Variants in XYLT1 observed in about 807,000 individuals in gnomAD.
XYLT1 encodes xylosyltransferase 1.
XYLT1 carries 36 observed loss-of-function variants against 91.3 expected under a neutral mutation model. The ratio of observed to expected loss-of-function variants is 0.39; its 90% CI spans 0.30 to 0.52. XYLT1 has a LOEUF of 0.52. XYLT1 is among the 20% of genes least tolerant of loss of function. The pLI is 0.68. For synonymous variants in XYLT1, 588 were observed against 532.0 expected (o/e 1.11, Z -1.45); for missense variants, 1,242 against 1,284.5 (o/e 0.97, Z 0.51).
Position 17,134,543 on chromosome 16 carries a change from G to A in XYLT1, c.1957C>T (p.His653Tyr). The A allele has an allele frequency of 6.2e-7, 1 of 1,614,160 alleles. No individual in the cohort carries two copies. Among genetic ancestry groups the A allele is most frequent in the Admixed American group, 1.7e-5 (1 of 60,018 alleles). ...CGAAGACCCAGGCGGGCAAAGGAGT[G>A]GTACAAGGTGAGTGTCACGTCGCTC... Reference protein sequence around the residue: ...SLSDVTLTLYHSFARLGLRRA... With the variant: ...SLSDVTLTLYYSFARLGLRRA... The change falls in exon 9 of 12, where the codon CAC becomes TAC. Residue 653 changes from histidine (H) to tyrosine (Y), a missense_variant. This residue lies in a region of XYLT1 where 511 missense variants were observed against 497.0 expected (regional missense o/e 1.03). Transcript: ENST00000261381.
At chr16:17,406,886 T>C (rs1422498387) in intron 1 of XYLT1, among the ~76,000 whole-genome samples, 3 of 152,224 alleles carry the variant, frequency 2.0e-5, no homozygotes, top group Admixed American at 6.5e-5. Flanking sequence ...TTGGGTGTGG[T>C]ATGCAACAGA....
At chr16:17,225,011 G>A (rs948116813) in intron 3 of XYLT1, among the ~76,000 whole-genome samples, 8 of 152,092 alleles carry the variant, frequency 5.3e-5, no homozygotes, top group Middle Eastern at 3.2e-3. Flanking sequence ...TGGTGGGCCG[G>A]ATTTGGCTTG....
chr16:17,201,475 C>CTTT (rs552724633), intron 3 of XYLT1, among the ~76,000 whole-genome samples: 1 of 140,680 alleles, frequency 7.1e-6, no homozygotes, highest in African/African-American at 2.6e-5. Context: ...GAGAGGTTAT[C>CTTT]TTTTTTTTTT....
chr16:17,256,263 T>C (rs982337196), intron 3 of XYLT1, among the ~76,000 whole-genome samples: 2 of 152,248 alleles, frequency 1.3e-5, no homozygotes, highest in East Asian at 3.9e-4. Context: ...CAGAGGCACA[T>C]ATTTAAAATG....
intron 2 of XYLT1, among the ~76,000 whole-genome samples, chr16:17,345,256 CTT>C (rs1440873543): frequency 1.3e-5 from 2 of 152,252 alleles, no homozygotes; most frequent in African/African-American, 4.8e-5. Flanking sequence ...CCAGCTTGCT[CTT>C]GAGACAAGCA....
intron 1 of XYLT1, among the ~76,000 whole-genome samples, chr16:17,454,662 G>A (rs1016356042): frequency 6.6e-6 from 1 of 151,784 alleles, no homozygotes; most frequent in Non-Finnish European, 1.5e-5. Flanking sequence ...TCAGCCACCT[G>A]AGTAGCTGGG....
chr16:17,141,508 C>T lies in XYLT1; in HGVS notation c.1371-139G>A, dbSNP rs1167551596. The stretch of plus-strand genomic sequence containing the variant: ...CTGTGTGCCAGGTACTGCTCCAGGG[C>T]TCTGCGTGGAGTTTATCACTTGATC... On this transcript the variant is annotated intron_variant, in intron 6 of 11. Transcript: ENST00000261381. 4 of 802,606 alleles carry T rather than the reference C, an allele frequency of 5.0e-6. No homozygotes were observed. In the Admixed American group the frequency reaches 8.2e-5, roughly 17 times the overall value. The allele number at this position is 802,606 out of a possible 1,614,324, so 49.7% of individuals were successfully genotyped here.
chr16:17,138,137 T>TTGTTTTTGGGTTAATGAGTCAATGTG (rs1408644029), intron 8 of XYLT1: 4 of 445,994 alleles, frequency 9.0e-6, no homozygotes, highest in African/African-American at 7.6e-5. Flanking sequence ...AGGTCATTTG[T>TTGTTTTTGGGTTAATGAGTCAATGTG]TGTTTTTGGG....
intron 1 of XYLT1, among the ~76,000 whole-genome samples, chr16:17,391,480 TGAATTA>T (rs2141892782): frequency 6.6e-6 from 1 of 152,342 alleles, no homozygotes; most frequent in South Asian, 2.1e-4. Context: ...CAGTTCTGCA[TGAATTA>T]AACTCTCTCT....
intron 2 of XYLT1, among the ~76,000 whole-genome samples, chr16:17,350,315 T>C (rs2035202959): frequency 6.6e-6 from 1 of 152,260 alleles, no homozygotes; most frequent in African/African-American, 2.4e-5. Context: ...GTGGCTGCAC[T>C]TTGGGGAACT....
At chr16:17,115,065 C>T (rs1453882057) in intron 11 of XYLT1, among the ~76,000 whole-genome samples, 6 of 152,008 alleles carry the variant, frequency 3.9e-5, no homozygotes, top group East Asian at 1.9e-4. Context: ...AGGATGGTCT[C>T]GATCTCCTGA....
chr16:17,469,935 G>C (rs772412190), intron 1 of XYLT1, among the ~76,000 whole-genome samples: 1 of 152,130 alleles, frequency 6.6e-6, no homozygotes. Context: ...TCGGGGACTT[G>C]GGACGCCCAG....
chr16:17,231,821 G>T (rs571379467), intron 3 of XYLT1, among the ~76,000 whole-genome samples: 1 of 152,140 alleles, frequency 6.6e-6, no homozygotes, highest in South Asian at 2.1e-4. Flanking sequence ...ATCATGAATG[G>T]AGCTTGCAGA....
At chr16:17,287,671 G>A (rs569308215) in intron 2 of XYLT1, among the ~76,000 whole-genome samples, 2 of 152,236 alleles carry the variant, frequency 1.3e-5, no homozygotes, top group African/African-American at 2.4e-5. Flanking sequence ...TTGCATTAAG[G>A]GCCCACTGTG....
intron 2 of XYLT1, among the ~76,000 whole-genome samples, chr16:17,292,663 C>G (rs1310853067): frequency 2.0e-5 from 3 of 152,182 alleles, no homozygotes; most frequent in Admixed American, 6.5e-5. Flanking sequence ...ACGATGCCAC[C>G]AGAATAGCAA....
intron 3 of XYLT1, among the ~76,000 whole-genome samples, chr16:17,240,030 T>G (rs181642287): frequency 5.3e-5 from 8 of 152,310 alleles, no homozygotes; most frequent in Admixed American, 2.6e-4. Context: ...TTAGTTTAAT[T>G]TGGAAAAGGG....
chr16:17,292,333 CAATT>C lies in XYLT1; in HGVS notation c.403-32839_403-32836del, dbSNP rs1349381157. ...AGCAGGCAATGCAAAGAGGGAAACA[CAATT>C]AGTTATTTGAATCTGTGTCACAGAC... On this transcript the variant is annotated intron_variant, in intron 2 of 11. Transcript: ENST00000261381. 9.2e-5 allele frequency among the ~76,000 whole-genome samples: 14 copies of C among 152,270 alleles called. No individual in the cohort carries two copies. The East Asian group carries it at 2.3e-3, about 25-fold the overall frequency.
At position 17,432,555 on chromosome 16, in the gene XYLT1, T is replaced by C. The variant is rs1039334720; in HGVS notation, c.363+37879A>G. Among the ~76,000 whole-genome samples the C allele has an allele frequency of 4.6e-5, 7 of 152,204 alleles. No homozygotes were observed. In the South Asian group the frequency reaches 6.2e-4, roughly 13 times the overall value. ...ACTCCGATTGGCATAAGGAGTCTTA[T>C]CAGGGTTATGAAAATGTCCTAAAAC... is the stretch of plus-strand genomic sequence containing the variant. On this transcript the variant is annotated intron_variant, in intron 1 of 11. Coordinates refer to ENST00000261381, the MANE Select transcript of XYLT1 (RefSeq NM_022166.4).
intron 2 of XYLT1, among the ~76,000 whole-genome samples, chr16:17,294,138 G>T (rs2141802265): frequency 6.6e-6 from 1 of 152,302 alleles, no homozygotes; most frequent in East Asian, 1.9e-4. Flanking sequence ...CTGTTCCTCT[G>T]AAGGGGTCCC....
Sources: allele counts gnomAD v4.1 joint callset (sites outside exome capture counted in the v4.1 genomes callset), GRCh38; gene constraint gnomAD v4.1.1; regional missense constraint gnomAD v4.1.1; transcripts MANE v1.5; gene names NCBI Gene and HGNC (gene_info 2026-07-23, HGNC 2026-07-21).